Variants in OXCT1 observed in about 807,000 individuals in gnomAD.
The protein encoded by OXCT1 is succinyl-CoA:3-ketoacid coenzyme A transferase 1, mitochondrial.
OXCT1 carries 27 observed loss-of-function variants against 69.6 expected under a neutral mutation model. The ratio of observed to expected loss-of-function variants is 0.39; its 90% CI spans 0.29 to 0.54. The LOEUF (loss-of-function observed/expected upper bound fraction) is 0.54. Among genes scored for constraint, OXCT1 ranks in the 20% least tolerant of loss-of-function variants. The probability of loss-of-function intolerance (pLI) is 0.72; values close to 1 mark genes in which losing one functional copy is unlikely to be tolerated. For missense variants in OXCT1, 437 were observed against 650.2 expected, an observed-to-expected ratio of 0.67 and a Z score of 3.57; for synonymous variants, 202 against 217.8, an observed-to-expected ratio of 0.93 and a Z score of 0.64.
intron 7 of OXCT1, among the ~76,000 whole-genome samples, chr5:41,823,252 C>T (rs1244101554): frequency 6.6e-6 from 1 of 152,154 alleles, no homozygotes; most frequent in Non-Finnish European, 1.5e-5. Flanking sequence ...AGAGAACGCT[C>T]TGGGTATATT....
intron 13 of OXCT1, among the ~76,000 whole-genome samples, chr5:41,764,682 C>T (rs1299456130): frequency 6.6e-6 from 1 of 152,102 alleles, no homozygotes; most frequent in African/African-American, 2.4e-5. Context: ...CCTGCCTTCC[C>T]TCTTTCTCTT....
chr5:41,827,023 G>A (rs985355206), intron 7 of OXCT1, among the ~76,000 whole-genome samples: 28 of 151,968 alleles, frequency 1.8e-4, no homozygotes, highest in African/African-American at 6.3e-4. Context: ...CCAACATACC[G>A]TATCTCTTAA....
intron 16 of OXCT1, among the ~76,000 whole-genome samples, chr5:41,737,054 C>CTCTA (rs1561350881): frequency 6.6e-6 from 1 of 152,182 alleles, no homozygotes; most frequent in African/African-American, 2.4e-5. Flanking sequence ...GGCACTCCAG[C>CTCTA]TCTAGCCTTA....
intron 14 of OXCT1, among the ~76,000 whole-genome samples, chr5:41,758,377 ATTC>A (rs1162738098): frequency 1.3e-5 from 2 of 152,148 alleles, no homozygotes; most frequent in Non-Finnish European, 2.9e-5. Context: ...TGATCAGAAG[ATTC>A]TAGTGTGGAA....
chr5:41,764,876 T>C (rs1177140508), intron 13 of OXCT1, among the ~76,000 whole-genome samples: 2 of 152,180 alleles, frequency 1.3e-5, no homozygotes, highest in Non-Finnish European at 2.9e-5. Flanking sequence ...AGAGCAATAC[T>C]GTGAAAGATA....
chr5:41,839,100 C>T lies in OXCT1; in HGVS notation c.732+1351G>A, dbSNP rs551429265. Among the ~76,000 whole-genome samples, 125 of 152,268 alleles carry T rather than the reference C, an allele frequency of 8.2e-4. 1 individual carries two copies. Among genetic ancestry groups the T allele is most frequent in the African/African-American group, 2.9e-3 (121 of 41,582 alleles). On this transcript the variant is annotated intron_variant, in intron 7 of 16. Coordinates refer to ENST00000196371, the MANE Select transcript of OXCT1 (RefSeq NM_000436.4). Reference sequence around the variant, plus strand: ...GGGAAGCCTTTATTACATTTGCAGGCTTAGTTAAAGGATTTTCTCTCCTTA... The same window carrying T: ...GGGAAGCCTTTATTACATTTGCAGGTTTAGTTAAAGGATTTTCTCTCCTTA...
At chr5:41,846,845 C>T (rs1748932182) in intron 5 of OXCT1, among the ~76,000 whole-genome samples, 1 of 152,136 alleles carries the variant, frequency 6.6e-6, no homozygotes, top group Non-Finnish European at 1.5e-5. Context: ...GAGATGGTAT[C>T]TCATTGTGGT....
intron 7 of OXCT1, among the ~76,000 whole-genome samples, chr5:41,819,066 G>A (rs1747398116): frequency 6.6e-6 from 1 of 152,096 alleles, no homozygotes; most frequent in African/African-American, 2.4e-5. Context: ...AAGGTCTCTG[G>A]AAGGAGTAAG....
At position 41,790,236 on chromosome 5, in the gene OXCT1, G is replaced by A. The variant is rs1035532500; in HGVS notation, c.1248+3767C>T. Among the ~76,000 whole-genome samples, 4 of 152,232 alleles carry A rather than the reference G, an allele frequency of 2.6e-5. No individual in the cohort carries two copies. The East Asian group carries it at 7.7e-4, about 29-fold the overall frequency. On this transcript the variant is annotated intron_variant, in intron 13 of 16. Transcript: ENST00000196371. ...CTCTCATAGCTGACCATACACATCT[G>A]CTTCCCTTCATAAGTCAATAATCAA...
intron 7 of OXCT1, among the ~76,000 whole-genome samples, chr5:41,825,535 G>T (rs1380724757): frequency 6.6e-6 from 1 of 152,156 alleles, no homozygotes; most frequent in Admixed American, 6.5e-5. Flanking sequence ...AGGAAGAAAA[G>T]AAAACACTTC....
At chr5:41,763,652 A>G (rs1040481453) in intron 13 of OXCT1, among the ~76,000 whole-genome samples, 7 of 152,132 alleles carry the variant, frequency 4.6e-5, no homozygotes, top group African/African-American at 1.7e-4. Flanking sequence ...CTGCTATGGT[A>G]AGAACATCCA....
chr5:41,861,013 T>C (rs976379577), intron 3 of OXCT1, among the ~76,000 whole-genome samples: 2 of 152,180 alleles, frequency 1.3e-5, no homozygotes, highest in Non-Finnish European at 2.9e-5. Context: ...TTTGAAGATA[T>C]ATATTCTAAC....
At position 41,818,076 on chromosome 5, in the gene OXCT1, C is replaced by G. The variant is rs372870746; in HGVS notation, c.733-10638G>C. On this transcript the variant is annotated intron_variant, in intron 7 of 16. Coordinates refer to ENST00000196371, the MANE Select transcript of OXCT1 (RefSeq NM_000436.4). ...TGTTTTGAACCTGCTGACTCAGTGA[C>G]TCAAATATCATTTAATGAGCAGCTA... Among the ~76,000 whole-genome samples the G allele has an allele frequency of 9.8e-5, 15 of 152,294 alleles. 1 individual carries two copies. Among genetic ancestry groups the G allele is most frequent in the African/African-American group, 3.4e-4 (14 of 41,572 alleles).
chr5:41,844,662 T>C (rs1484585466), intron 5 of OXCT1, among the ~76,000 whole-genome samples: 1 of 152,108 alleles, frequency 6.6e-6, no homozygotes, highest in Admixed American at 6.6e-5. Flanking sequence ...GCACCTCCTC[T>C]TGGAGTCTAA....
At chr5:41,738,765 T>C (rs1285400683) in intron 16 of OXCT1, among the ~76,000 whole-genome samples, 2 of 152,244 alleles carry the variant, frequency 1.3e-5, no homozygotes, top group Admixed American at 1.3e-4. Flanking sequence ...CAATTATTTA[T>C]ATTCTCAGTA....
chr5:41,774,445 C>T (rs929718379), intron 13 of OXCT1, among the ~76,000 whole-genome samples: 2 of 152,112 alleles, frequency 1.3e-5, no homozygotes, highest in African/African-American at 4.8e-5. Context: ...AAAAAGTTGA[C>T]TCTAGGGGCA....
At chr5:41,859,538 A>C (rs1749620309) in intron 3 of OXCT1, among the ~76,000 whole-genome samples, 1 of 152,080 alleles carries the variant, frequency 6.6e-6, no homozygotes, top group Non-Finnish European at 1.5e-5. Flanking sequence ...AGGCCCCTCG[A>C]ATAAGGGAGG....
At chr5:41,850,307 A>G in intron 4 of OXCT1, 128 bp from the exon 5 acceptor site, 2 of 988,460 alleles carry the variant, frequency 2.0e-6, no homozygotes, top group Non-Finnish European at 3.1e-6. Flanking sequence ...ATTGTACATT[A>G]GCATACTTCA....
intron 7 of OXCT1, among the ~76,000 whole-genome samples, chr5:41,824,902 G>T (rs182795925): frequency 8.8e-4 from 134 of 152,276 alleles, no homozygotes; most frequent in Non-Finnish European, 1.4e-3. Flanking sequence ...TCTGAGTTTT[G>T]TCTGTGTCGG....
Sources: gnomAD v4.1 joint callset for allele counts (sites outside exome capture counted in the v4.1 genomes callset) on GRCh38, gnomAD v4.1.1 for gene constraint, MANE v1.5 for transcripts, NCBI Gene and HGNC (gene_info 2026-07-23, HGNC 2026-07-21) for gene names.